TRHDE: variants seen among roughly 807,000 people sequenced by gnomAD.
The protein encoded by TRHDE is thyrotropin releasing hormone degrading enzyme, also known as thyrotropin-releasing hormone-degrading ectoenzyme.
In TRHDE, 72 loss-of-function variants were observed where a neutral mutation model predicts 125.7. That is an observed-to-expected ratio of 0.57 (90% CI 0.47 to 0.70). The LOEUF (loss-of-function observed/expected upper bound fraction) is 0.70. Ranked by LOEUF, TRHDE falls within the 30% of genes least tolerant of loss-of-function variation. The pLI is 0.00. For synonymous variants in TRHDE, 509 were observed against 509.1 expected, an observed-to-expected ratio of 1.00 and a Z score of 0.00; for missense variants, 1,110 against 1,327.1, an observed-to-expected ratio of 0.84 and a Z score of 2.54.
At chr12:72,280,973 G>A (rs1879675722) in intron 1 of TRHDE, among the ~76,000 whole-genome samples, 1 of 152,090 alleles carries the variant, frequency 6.6e-6, no homozygotes, top group South Asian at 2.1e-4. Flanking sequence ...TATGACCTGG[G>A]AAAGTCATTT....
chr12:72,249,783 A>G (rs10879383), intron 2 of TRHDE, among the ~76,000 whole-genome samples: 45,032 of 152,030 alleles, frequency 0.3, 6,715 homozygotes, highest in South Asian at 0.34. Flanking sequence ...CAGTCATTCC[A>G]CTTCTAGTTA....
In TRHDE at chr12:72,285,470, G is replaced by A. The variant is rs535290477; in HGVS notation, c.915-1211G>A. On this transcript the variant is annotated intron_variant, in intron 1 of 18. Coordinates refer to ENST00000261180, the MANE Select transcript of TRHDE (RefSeq NM_013381.3). The stretch of plus-strand genomic sequence containing the variant: ...TATTTAAAAAGTTTAATTAACTTTT[G>A]TCATGAATGTTTTTCTTATTTAGAA... Among the ~76,000 whole-genome samples the A allele has an allele frequency of 4.7e-5, 7 of 150,244 alleles. No individual in the cohort carries two copies. In the South Asian group the frequency reaches 1.3e-3, roughly 27 times the overall value.
At chr12:72,176,199 AAAAG>A (rs745965343) in intron 2 of TRHDE, among the ~76,000 whole-genome samples, 26 of 152,112 alleles carry the variant, frequency 1.7e-4, no homozygotes, top group Non-Finnish European at 3.7e-4. Context: ...TCTACCAAAA[AAAAG>A]AGGCCAAACT....
chr12:72,286,228 T>C (rs576399886), intron 1 of TRHDE, among the ~76,000 whole-genome samples: 25 of 152,232 alleles, frequency 1.6e-4, no homozygotes, highest in Non-Finnish European at 1.6e-4. Context: ...GTTGAAATTT[T>C]AGGGCACAGA....
intron 12 of TRHDE, among the ~76,000 whole-genome samples, chr12:72,578,080 A>G (rs188283637): frequency 1.3e-5 from 2 of 152,244 alleles, no homozygotes; most frequent in African/African-American, 2.4e-5. Flanking sequence ...CCTTCTCTCA[A>G]TCTCCTAAAC....
chr12:72,412,283 G>A (rs1873545815), intron 3 of TRHDE, among the ~76,000 whole-genome samples: 1 of 151,926 alleles, frequency 6.6e-6, no homozygotes, highest in African/African-American at 2.4e-5. Context: ...AAGAAAAAGA[G>A]GCAACTTAAA....
chr12:72,621,414 A>C (rs1183924976), intron 14 of TRHDE: 3 of 577,684 alleles, frequency 5.2e-6, no homozygotes, highest in African/African-American at 1.9e-5. Flanking sequence ...GTTTTAATTT[A>C]AGATCTACCT....
intron 6 of TRHDE, among the ~76,000 whole-genome samples, chr12:72,518,546 T>C (rs1264397222): frequency 2.6e-5 from 4 of 152,172 alleles, no homozygotes; most frequent in Admixed American, 1.3e-4. Flanking sequence ...TGTCTCTGCA[T>C]GTGAGATGGG....
intron 6 of TRHDE, among the ~76,000 whole-genome samples, chr12:72,541,111 G>A (rs79584475): frequency 6.6e-6 from 1 of 151,434 alleles, no homozygotes. Flanking sequence ...TGATTCTTAC[G>A]ATTTTCTTGT....
intron 2 of TRHDE, among the ~76,000 whole-genome samples, chr12:72,127,287 T>C (rs1002717604): frequency 6.6e-6 from 1 of 152,184 alleles, no homozygotes; most frequent in African/African-American, 2.4e-5. Context: ...GTTTGGAGAT[T>C]TCTCAAATAA....
At chr12:72,621,074 G>C (rs776700148) in intron 13 of TRHDE, 34 bp from the exon 14 acceptor site, 1 of 1,233,184 alleles carries the variant, frequency 8.1e-7, no homozygotes, top group African/African-American at 1.5e-5. Context: ...GTTTTAAACT[G>C]ACCTTATCTT....
At chr12:72,651,906 G>A (rs1053611445) in intron 15 of TRHDE, among the ~76,000 whole-genome samples, 10 of 151,848 alleles carry the variant, frequency 6.6e-5, no homozygotes, top group Non-Finnish European at 1.3e-4. Flanking sequence ...AAATGTTTCC[G>A]TTCTATCCAA....
intron 2 of TRHDE, among the ~76,000 whole-genome samples, chr12:72,206,142 A>C (rs1877660382): frequency 6.7e-6 from 1 of 148,408 alleles, no homozygotes; most frequent in African/African-American, 2.5e-5. Flanking sequence ...GCTGGAGTGC[A>C]ATGGTGCTAT....
At chr12:72,596,761 C>T (rs750739199) in intron 12 of TRHDE, among the ~76,000 whole-genome samples, 3 of 151,918 alleles carry the variant, frequency 2.0e-5, no homozygotes, top group Non-Finnish European at 1.5e-5. Context: ...GCACTTTAGC[C>T]GTAGCTAGTA....
intron 12 of TRHDE, among the ~76,000 whole-genome samples, chr12:72,614,330 A>ATATTTT (rs531067163): frequency 7.7e-6 from 1 of 129,858 alleles, no homozygotes; most frequent in Non-Finnish European, 1.6e-5. Flanking sequence ...ATATATATAT[A>ATATTTT]TTTTTTTTTT....
intron 2 of TRHDE, among the ~76,000 whole-genome samples, chr12:72,337,038 T>C (rs1461882673): frequency 6.6e-6 from 1 of 152,162 alleles, no homozygotes; most frequent in African/African-American, 2.4e-5. Context: ...TTTAAGGAAA[T>C]TGCCAGGTGA....
chr12:72,215,348 G>C (rs1358556981), intron 2 of TRHDE, among the ~76,000 whole-genome samples: 1 of 152,064 alleles, frequency 6.6e-6, no homozygotes, highest in African/African-American at 2.4e-5. Flanking sequence ...AGGTGGGGCA[G>C]GGCATATTCA....
At chr12:72,660,173 C>T (rs552337996) in intron 18 of TRHDE, among the ~76,000 whole-genome samples, 6 of 152,264 alleles carry the variant, frequency 3.9e-5, no homozygotes, top group Admixed American at 1.3e-4. Flanking sequence ...TTTTCTTCTA[C>T]GCACTTATAA....
intron 3 of TRHDE, among the ~76,000 whole-genome samples, chr12:72,407,721 C>T (rs181513306): frequency 3.3e-5 from 5 of 152,088 alleles, no homozygotes; most frequent in African/African-American, 1.2e-4. Context: ...ATGAGTTAAA[C>T]TTGAATAAAA....
Sources: gnomAD v4.1 joint callset for allele counts (sites outside exome capture counted in the v4.1 genomes callset) on GRCh38, gnomAD v4.1.1 for gene constraint, MANE v1.5 for transcripts, NCBI Gene and HGNC (gene_info 2026-07-23, HGNC 2026-07-21) for gene names.